The following PRKG1 variants were observed in gnomAD, a reference collection of about 807,000 sequenced individuals.
PRKG1 encodes the protein cGMP-dependent protein kinase 1.
Under a neutral mutation model 88.1 loss-of-function variants are expected in PRKG1, and 35 were observed. The observed-to-expected ratio is 0.40, with a 90% CI of 0.30 to 0.53. PRKG1 has a LOEUF of 0.53. PRKG1 is among the 20% of genes least tolerant of loss of function. The probability of loss-of-function intolerance (pLI) is 0.59; values close to 1 mark genes in which losing one functional copy is unlikely to be tolerated. For missense variants in PRKG1, 540 were observed against 839.8 expected, an observed-to-expected ratio of 0.64 and a Z score of 4.41; for synonymous variants, 303 against 292.5, an observed-to-expected ratio of 1.04 and a Z score of -0.37.
intron 2 of PRKG1, among the ~76,000 whole-genome samples, chr10:51,376,548 T>G (rs553992018): frequency 6.6e-6 from 1 of 152,218 alleles, no homozygotes; most frequent in Non-Finnish European, 1.5e-5. Context: ...TATTTTAAAT[T>G]AGTTTTAGAA....
At chr10:52,107,232 T>C (rs1847448539) in intron 7 of PRKG1, among the ~76,000 whole-genome samples, 2 of 152,178 alleles carry the variant, frequency 1.3e-5, no homozygotes, top group African/African-American at 2.4e-5. Flanking sequence ...AAATATCCTC[T>C]CAGCTTGGGT....
intron 5 of PRKG1, among the ~76,000 whole-genome samples, chr10:52,040,241 T>G (rs928363363): frequency 2.0e-5 from 3 of 152,232 alleles, no homozygotes; most frequent in Admixed American, 2.0e-4. Context: ...GTGATCAACC[T>G]GCTCTTTTTC....
At chr10:51,222,823 G>C (rs190198341) in intron 2 of PRKG1, among the ~76,000 whole-genome samples, 3 of 152,164 alleles carry the variant, frequency 2.0e-5, no homozygotes, top group Admixed American at 6.5e-5. Context: ...TCTGAATTCT[G>C]CAGTTTTTTC....
chr10:51,053,778 G>T (rs199887628), intron 1 of PRKG1, among the ~76,000 whole-genome samples: 141 of 144,992 alleles, frequency 9.7e-4, no homozygotes, highest in African/African-American at 2.3e-3. Flanking sequence ...GGTTTTTTTT[G>T]TTTTTTTTTT....
At chr10:52,219,192 C>T (rs1261322750) in intron 9 of PRKG1, among the ~76,000 whole-genome samples, 1 of 75,940 alleles carries the variant, frequency 1.3e-5, no homozygotes, top group Non-Finnish European at 2.7e-5. Context: ...AGCTGGGAGG[C>T]TTTAATTAGT....
chr10:51,731,083 G>C (rs1303489359), intron 3 of PRKG1, among the ~76,000 whole-genome samples: 1 of 152,134 alleles, frequency 6.6e-6, no homozygotes, highest in East Asian at 1.9e-4. Flanking sequence ...TTGAACCCAG[G>C]AGACAGAGGT....
intron 1 of PRKG1, among the ~76,000 whole-genome samples, chr10:51,102,006 T>A (rs1469856615): frequency 1.3e-5 from 2 of 152,222 alleles, no homozygotes; most frequent in Non-Finnish European, 2.9e-5. Flanking sequence ...TCAAAATAGT[T>A]GTGATTTGTG....
chr10:51,733,572 G>T (rs1316238047), intron 3 of PRKG1, among the ~76,000 whole-genome samples: 1 of 152,102 alleles, frequency 6.6e-6, no homozygotes, highest in African/African-American at 2.4e-5. Context: ...TCTCCCTCAA[G>T]TATCTTTAAG....
intron 3 of PRKG1, among the ~76,000 whole-genome samples, chr10:51,571,548 G>T (rs143769949): frequency 6.6e-6 from 1 of 151,954 alleles, no homozygotes; most frequent in Non-Finnish European, 1.5e-5. Context: ...GAGGGGGTGA[G>T]GCAGTCCCTT....
intron 7 of PRKG1, among the ~76,000 whole-genome samples, chr10:52,088,285 T>A (rs1401137389): frequency 6.6e-6 from 1 of 151,370 alleles, no homozygotes; most frequent in Non-Finnish European, 1.5e-5. Context: ...AATAAAATAC[T>A]ATTTAATGAG....
At chr10:51,049,527 CT>C (rs1349392581) in intron 1 of PRKG1, among the ~76,000 whole-genome samples, 1 of 152,150 alleles carries the variant, frequency 6.6e-6, no homozygotes, top group Admixed American at 6.5e-5. Context: ...CACTTTTCTC[CT>C]GTATAGCTTG....
At chr10:51,476,918 T>C (rs1475087793) in intron 3 of PRKG1, among the ~76,000 whole-genome samples, 1 of 152,016 alleles carries the variant, frequency 6.6e-6, no homozygotes, top group Non-Finnish European at 1.5e-5. Context: ...ACATGCCGCT[T>C]GGCTATGTGT....
chr10:51,426,856 G>A (rs961204752), intron 2 of PRKG1, among the ~76,000 whole-genome samples: 2 of 152,158 alleles, frequency 1.3e-5, no homozygotes, highest in Admixed American at 6.5e-5. Context: ...CAGAAAACAG[G>A]CTGGGGAGTA....
intron 10 of PRKG1, among the ~76,000 whole-genome samples, chr10:52,255,802 A>T (rs1025577869): frequency 1.3e-5 from 2 of 152,074 alleles, no homozygotes; most frequent in East Asian, 3.9e-4. Context: ...CTGATGCATT[A>T]TGGAACATAC....
chr10:52,082,368 G>A (rs1464654616), intron 7 of PRKG1, among the ~76,000 whole-genome samples: 1 of 152,068 alleles, frequency 6.6e-6, no homozygotes, highest in Admixed American at 6.6e-5. Context: ...CTACCTAGAA[G>A]GCCCTTTAAC....
intron 2 of PRKG1, among the ~76,000 whole-genome samples, chr10:51,348,136 T>C (rs1842157658): frequency 6.6e-6 from 1 of 152,094 alleles, no homozygotes; most frequent in Admixed American, 6.5e-5. Context: ...AAAGTAATGC[T>C]AAATCTTAAT....
intron 12 of PRKG1, 45 bp downstream of exon 12, chr10:52,272,526 C>G (rs761311254): frequency 7.4e-7 from 1 of 1,350,166 alleles, no homozygotes; most frequent in South Asian, 1.2e-5. Context: ...AAAACAGTTG[C>G]CCATGTTGGT....
chr10:51,156,156 A>G (rs1001076239), intron 2 of PRKG1, among the ~76,000 whole-genome samples: 2 of 151,928 alleles, frequency 1.3e-5, no homozygotes, highest in Non-Finnish European at 2.9e-5. Context: ...GGTGATGTTT[A>G]CTCACCTCAT....
At chr10:51,788,113 A>G (rs1838774471) in intron 3 of PRKG1, among the ~76,000 whole-genome samples, 1 of 152,218 alleles carries the variant, frequency 6.6e-6, no homozygotes. Context: ...TAGTGTGTTT[A>G]AACAGAATCT....
Sources: allele counts gnomAD v4.1 joint callset (sites outside exome capture counted in the v4.1 genomes callset), GRCh38; gene constraint gnomAD v4.1.1; transcripts MANE v1.5; gene names NCBI Gene and HGNC (gene_info 2026-07-23, HGNC 2026-07-21).